ABCB1: variants seen among roughly 807,000 people sequenced by gnomAD.
The protein encoded by ABCB1 is ATP-dependent translocase ABCB1.
A neutral mutation model predicts 142.0 loss-of-function variants in ABCB1; 69 were observed. That is an observed-to-expected ratio of 0.49 (90% confidence interval 0.40 to 0.59). ABCB1 has a LOEUF of 0.59. ABCB1 is among the 20% of genes least tolerant of loss of function. The probability of loss-of-function intolerance (pLI) is 0.00; values close to 1 mark genes in which losing one functional copy is unlikely to be tolerated. For synonymous variants in ABCB1, 532 were observed against 539.2 expected (o/e 0.99, Z 0.18); for missense variants, 1,326 against 1,554.7 (o/e 0.85, Z 2.47).
intron 1 of ABCB1, among the ~76,000 whole-genome samples, chr7:87,633,855 CT>C (rs1821471366): frequency 1.3e-5 from 2 of 152,028 alleles, no homozygotes; most frequent in East Asian, 3.9e-4. Context: ...CTGTCTTATC[CT>C]GTTTTGTGTT....
At chr7:87,512,538 T>C (rs1418142557) in intron 25 of ABCB1, among the ~76,000 whole-genome samples, 1 of 152,206 alleles carries the variant, frequency 6.6e-6, no homozygotes, top group Admixed American at 6.5e-5. Context: ...CAAGGTCCAC[T>C]GATGGTCACG....
chr7:87,536,842 G>A (rs1816316635), intron 19 of ABCB1, among the ~76,000 whole-genome samples: 1 of 152,104 alleles, frequency 6.6e-6, no homozygotes, highest in South Asian at 2.1e-4. Flanking sequence ...GAGATGGAAG[G>A]TACAAATAAA....
At chr7:87,563,293 C>T (rs1191294135) in intron 7 of ABCB1, 2 of 364,774 alleles carry the variant, frequency 5.5e-6, no homozygotes, top group East Asian at 8.6e-5. Context: ...GGTGGAGGGA[C>T]TCCTCTCTGA....
intron 1 of ABCB1, among the ~76,000 whole-genome samples, chr7:87,694,568 A>G (rs559651049): frequency 2.0e-5 from 3 of 152,326 alleles, no homozygotes; most frequent in Admixed American, 6.5e-5. Context: ...AATTCCCACA[A>G]TTAATCCTTT....
intron 21 of ABCB1, among the ~76,000 whole-genome samples, chr7:87,529,818 A>G (rs1477721232): frequency 6.6e-6 from 1 of 152,234 alleles, no homozygotes; most frequent in Non-Finnish European, 1.5e-5. Context: ...ACAATATTAA[A>G]GGAAGTCATT....
rs1227847698 is a variant in ABCB1 at position 87,504,042 on chromosome 7, T to G, written c.*201A>C. The G allele has an allele frequency of 1.6e-6, 1 of 637,352 alleles. No individual in the cohort carries two copies. The highest frequency in any genetic ancestry group is 2.7e-6 in the Non-Finnish European group (1 of 372,286). The allele number at this position is 637,352 out of a possible 1,614,324, so 39.5% of individuals were successfully genotyped here. A position where few individuals can be genotyped will look rare whatever the true frequency, so the allele number is the denominator to read the frequency against. On this transcript the variant is annotated 3_prime_UTR_variant, in exon 28 of 28. Coordinates refer to ENST00000622132, the MANE Select transcript of ABCB1 (RefSeq NM_001348946.2). ...TCTGTTATAAAATTTATAATGCAGT[T>G]TAAACTATGATTTCTCTCCACTTGA...
chr7:87,622,842 G>A (rs1450912570), intron 1 of ABCB1, among the ~76,000 whole-genome samples: 1 of 151,892 alleles, frequency 6.6e-6, no homozygotes, highest in Non-Finnish European at 1.5e-5. Flanking sequence ...AGCAATCTGG[G>A]CAACATAGTG....
chr7:87,639,025 G>T (rs549229005), intron 1 of ABCB1, among the ~76,000 whole-genome samples: 2 of 152,128 alleles, frequency 1.3e-5, no homozygotes, highest in African/African-American at 4.8e-5. Flanking sequence ...GATGGCAGGC[G>T]CCTGTAGTCC....
chr7:87,668,500 T>G (rs576665223), intron 1 of ABCB1, among the ~76,000 whole-genome samples: 1 of 151,944 alleles, frequency 6.6e-6, no homozygotes, highest in Non-Finnish European at 1.5e-5. Context: ...CAGCTCTGAT[T>G]TTTTTTCTTG....
At chr7:87,568,801 T>C (rs1259398540) in intron 5 of ABCB1, among the ~76,000 whole-genome samples, 1 of 152,164 alleles carries the variant, frequency 6.6e-6, no homozygotes, top group Non-Finnish European at 1.5e-5. Flanking sequence ...GAGATAGTAT[T>C]CTATCTAAGT....
intron 3 of ABCB1, among the ~76,000 whole-genome samples, chr7:87,594,437 A>G (rs1029453008): frequency 6.6e-6 from 1 of 152,214 alleles, no homozygotes; most frequent in South Asian, 2.1e-4. Context: ...AAAATGAATT[A>G]TTGATAACAT....
chr7:87,521,807 C>G (rs555914703), intron 21 of ABCB1: 1 of 781,538 alleles, frequency 1.3e-6, no homozygotes, highest in South Asian at 1.3e-5. Context: ...ATTAAAGACA[C>G]TGAAGAACAT....
chr7:87,701,577 G>A (rs568477772), intron 1 of ABCB1, among the ~76,000 whole-genome samples: 1 of 152,300 alleles, frequency 6.6e-6, no homozygotes, highest in South Asian at 2.1e-4. Flanking sequence ...AAAGTGCAAG[G>A]TAGGTCAGTA....
At chr7:87,638,893 C>G (rs1230625128) in intron 1 of ABCB1, among the ~76,000 whole-genome samples, 2 of 152,164 alleles carry the variant, frequency 1.3e-5, no homozygotes, top group South Asian at 2.1e-4. Flanking sequence ...TGGCTCACAC[C>G]TGTAATCCCA....
chr7:87,649,061 A>AT, intron 1 of ABCB1, among the ~76,000 whole-genome samples: 1 of 152,048 alleles, frequency 6.6e-6, no homozygotes, highest in Non-Finnish European at 1.5e-5. Flanking sequence ...TTTATTTCTA[A>AT]TTCTTTAACA....
chr7:87,518,227 A>G lies in ABCB1; in HGVS notation c.2927+1099T>C, dbSNP rs76508973. On this transcript the variant is annotated intron_variant, in intron 23 of 27. Transcript: ENST00000622132. Reference sequence around the variant, plus strand: ...GCACTAAATAAAATACCGATAGTTAATCTTGGACTTGTGATCATTTAAACC... The same window carrying G: ...GCACTAAATAAAATACCGATAGTTAGTCTTGGACTTGTGATCATTTAAACC... Among the ~76,000 whole-genome samples, 617 of 152,296 alleles carry G rather than the reference A, an allele frequency of 4.1e-3. 4 individuals are homozygous for G. Among genetic ancestry groups the G allele is most frequent in the Non-Finnish European group, 5.3e-3 (359 of 68,022 alleles).
At chr7:87,521,460 C>T in intron 21 of ABCB1, 1 of 716,172 alleles carries the variant, frequency 1.4e-6, no homozygotes. Context: ...CCCCTGCCGT[C>T]ATGTCTAAGT....
At chr7:87,652,903 T>C (rs554844348) in intron 1 of ABCB1, among the ~76,000 whole-genome samples, 1 of 152,006 alleles carries the variant, frequency 6.6e-6, no homozygotes, top group Non-Finnish European at 1.5e-5. Flanking sequence ...TTCTAAGATC[T>C]ACTTTTCTAC....
At chr7:87,661,499 A>G (rs1228193465) in intron 1 of ABCB1, among the ~76,000 whole-genome samples, 1 of 151,670 alleles carries the variant, frequency 6.6e-6, no homozygotes, top group African/African-American at 2.4e-5. Flanking sequence ...TAGTTCCCAC[A>G]AATAAGTGAA....
Sources: gnomAD v4.1 joint callset for allele counts (sites outside exome capture counted in the v4.1 genomes callset) on GRCh38, gnomAD v4.1.1 for gene constraint, MANE v1.5 for transcripts, NCBI Gene and HGNC (gene_info 2026-07-23, HGNC 2026-07-21) for gene names.